The following SLC4A4 variants were observed in gnomAD, a reference collection of about 807,000 sequenced individuals.
SLC4A4 encodes electrogenic sodium bicarbonate cotransporter 1.
Under a neutral mutation model 111.5 loss-of-function variants are expected in SLC4A4, and 27 were observed. That is an observed-to-expected ratio of 0.24 (90% CI 0.18 to 0.33). SLC4A4 has a LOEUF of 0.33. Ranked by LOEUF, SLC4A4 falls within the 10% of genes least tolerant of loss-of-function variation. The pLI, the probability that SLC4A4 is intolerant of heterozygous loss-of-function variation, is 1.00. For synonymous variants in SLC4A4, 443 were observed against 463.4 expected, an observed-to-expected ratio of 0.96 and a Z score of 0.57; for missense variants, 909 against 1,315.5, an observed-to-expected ratio of 0.69 and a Z score of 4.78.
intron 1 of SLC4A4, among the ~76,000 whole-genome samples, chr4:71,203,567 AG>A (rs1259243409): frequency 6.6e-6 from 1 of 152,162 alleles, no homozygotes; most frequent in African/African-American, 2.4e-5. Context: ...GCATGCATGT[AG>A]GTAGGTTTTT....
At chr4:71,553,438 G>C (rs1398675825) in intron 20 of SLC4A4, among the ~76,000 whole-genome samples, 2 of 151,758 alleles carry the variant, frequency 1.3e-5, no homozygotes, top group African/African-American at 4.8e-5. Context: ...ATGAGGCCAG[G>C]GATGGTCCCT....
intron 3 of SLC4A4, chr4:71,339,042 A>G (rs1290890446): frequency 5.4e-6 from 8 of 1,479,872 alleles, no homozygotes; most frequent in Non-Finnish European, 5.4e-6. Context: ...TGGATGAGTC[A>G]TAAGTGGAGA....
At chr4:71,555,651 CAATA>C (rs1256091594) in intron 21 of SLC4A4, among the ~76,000 whole-genome samples, 16 of 151,982 alleles carry the variant, frequency 1.1e-4, no homozygotes, top group Admixed American at 1.1e-3. Context: ...GTTTTTTTAC[CAATA>C]AAAGAATAAA....
intron 7 of SLC4A4, among the ~76,000 whole-genome samples, chr4:71,404,600 A>G (rs1470413068): frequency 6.6e-6 from 1 of 152,180 alleles, no homozygotes; most frequent in African/African-American, 2.4e-5. Context: ...GCTGTCAACA[A>G]TAATCTTTGA....
chr4:71,323,380 G>A (rs1727267721), intron 3 of SLC4A4, among the ~76,000 whole-genome samples: 1 of 151,856 alleles, frequency 6.6e-6, no homozygotes, highest in Admixed American at 6.6e-5. Flanking sequence ...TTTAGAACTG[G>A]AATAAACAAA....
At chr4:71,460,242 G>T (rs1264542370) in intron 12 of SLC4A4, among the ~76,000 whole-genome samples, 1 of 151,866 alleles carries the variant, frequency 6.6e-6, no homozygotes, top group Non-Finnish European at 1.5e-5. Flanking sequence ...CCAAGATAAA[G>T]GAAATATTTA....
chr4:71,509,001 C>A (rs1316579095), intron 16 of SLC4A4, among the ~76,000 whole-genome samples: 1 of 152,180 alleles, frequency 6.6e-6, no homozygotes, highest in Non-Finnish European at 1.5e-5. Flanking sequence ...AAGGAAAAAA[C>A]CATGTGATTA....
intron 3 of SLC4A4, among the ~76,000 whole-genome samples, chr4:71,280,341 T>C (rs1266579376): frequency 2.6e-5 from 4 of 152,254 alleles, no homozygotes; most frequent in African/African-American, 9.6e-5. Flanking sequence ...TTTTCTTTCA[T>C]TTCATAGGTT....
At chr4:71,334,457 C>A (rs1728268485) in intron 3 of SLC4A4, among the ~76,000 whole-genome samples, 1 of 152,094 alleles carries the variant, frequency 6.6e-6, no homozygotes. Context: ...TCTCCCAGAG[C>A]TGCACTGCTT....
At chr4:71,274,169 T>G (rs1272270296) in intron 3 of SLC4A4, among the ~76,000 whole-genome samples, 1 of 152,184 alleles carries the variant, frequency 6.6e-6, no homozygotes, top group Non-Finnish European at 1.5e-5. Context: ...AAAATGTTAT[T>G]AAAATGTCAT....
intron 16 of SLC4A4, among the ~76,000 whole-genome samples, chr4:71,500,012 T>C (rs1441326588): frequency 1.3e-5 from 2 of 152,214 alleles, no homozygotes; most frequent in Admixed American, 6.5e-5. Flanking sequence ...CATACTGTTT[T>C]CTGTAATGGC....
At position 71,290,328 on chromosome 4, in the gene SLC4A4, G is replaced by A. The variant is rs188521729; in HGVS notation, c.253+34929G>A. Among the ~76,000 whole-genome samples, 143 of 152,266 alleles carry A rather than the reference G, an allele frequency of 9.4e-4. 1 individual carries two copies. Among genetic ancestry groups the A allele is most frequent in the African/African-American group, 3.1e-3 (127 of 41,542 alleles). ...ACCTTAGAAGCAGCTGCCAGCCAAG[G>A]GGGTGGAGGCAGGCAAAAAGTATAG... On this transcript the variant is annotated intron_variant, in intron 3 of 25. Transcript: ENST00000264485.
chr4:71,209,496 T>C lies in SLC4A4; in HGVS notation c.-2+22095T>C, dbSNP rs190285550. On this transcript the variant is annotated intron_variant, in intron 1 of 25. Coordinates refer to ENST00000264485, the MANE Select transcript of SLC4A4 (RefSeq NM_001098484.3). ...TTTTGAATACAACACTTAGATCACA[T>C]TGTTGCAGCTAATAAAGATGTATCA... 2.8e-3 allele frequency among the ~76,000 whole-genome samples: 431 copies of C among 152,334 alleles called. 1 individual carries two copies. The highest frequency in any genetic ancestry group is 5.3e-3 in the Non-Finnish European group (363 of 68,034).
rs187557090 is a variant in SLC4A4 at position 71,461,421 on chromosome 4, C to A, written c.1498-5023C>A. 3.1e-3 allele frequency among the ~76,000 whole-genome samples: 465 copies of A among 152,184 alleles called. 3 individuals are homozygous for A. Among genetic ancestry groups the A allele is most frequent in the African/African-American group, 0.011 (452 of 41,526 alleles). ...TAATTATTAATCCAAATAATAAAGTCCTTAATAAAAAGGACATAAAACAAC... is the reference window on the plus strand; with the variant it reads ...TAATTATTAATCCAAATAATAAAGTACTTAATAAAAAGGACATAAAACAAC... On this transcript the variant is annotated intron_variant, in intron 12 of 25. Coordinates refer to ENST00000264485, the MANE Select transcript of SLC4A4 (RefSeq NM_001098484.3).
At chr4:71,177,220 A>C (rs965256054) in intron 2 of SLC4A4, among the ~76,000 whole-genome samples, 4 of 152,218 alleles carry the variant, frequency 2.6e-5, no homozygotes, top group African/African-American at 7.2e-5. Flanking sequence ...GCCACTGCAA[A>C]AACATGCCAA....
At chr4:71,214,843 T>C (rs1435203102) in intron 1 of SLC4A4, among the ~76,000 whole-genome samples, 1 of 152,192 alleles carries the variant, frequency 6.6e-6, no homozygotes, top group Non-Finnish European at 1.5e-5. Flanking sequence ...CTCCACCCAC[T>C]TGAAACTTAC....
intron 2 of SLC4A4, among the ~76,000 whole-genome samples, chr4:71,175,366 G>A (rs1054924540): frequency 2.6e-5 from 4 of 152,228 alleles, no homozygotes; most frequent in Admixed American, 6.5e-5. Context: ...AGCGTGAGCC[G>A]AAGCAGGGCG....
chr4:71,488,927 T>G (rs866900056), intron 15 of SLC4A4, among the ~76,000 whole-genome samples: 1 of 149,056 alleles, frequency 6.7e-6, no homozygotes, highest in East Asian at 2.0e-4. Context: ...TGTGTGTGTG[T>G]GGTCATGAAG....
At chr4:71,072,089 TTG>T (rs1476583691) in intron 1 of SLC4A4, among the ~76,000 whole-genome samples, 2 of 152,204 alleles carry the variant, frequency 1.3e-5, no homozygotes, top group Non-Finnish European at 2.9e-5. Flanking sequence ...ATTTTAAAAT[TTG>T]TATGTATTTG....
Sources: gnomAD v4.1 joint callset for allele counts (sites outside exome capture counted in the v4.1 genomes callset) on GRCh38, gnomAD v4.1.1 for gene constraint, MANE v1.5 for transcripts, NCBI Gene and HGNC (gene_info 2026-07-23, HGNC 2026-07-21) for gene names.